STARD9: variants seen among roughly 807,000 people sequenced by gnomAD.
STARD9 encodes the protein StAR related lipid transfer domain containing 9, also known as stAR-related lipid transfer protein 9.
STARD9 carries 346 observed loss-of-function variants against 399.8 expected under a neutral mutation model. That is an observed-to-expected ratio of 0.87 (90% confidence interval 0.79 to 0.95). STARD9 has a LOEUF of 0.95. STARD9 is among the 40% of genes least tolerant of loss of function. STARD9 has a pLI of 0.00. For missense variants in STARD9, 5,832 were observed against 5,667.5 expected, an observed-to-expected ratio of 1.03 and a Z score of -0.93; for synonymous variants, 2,203 against 2,143.5, an observed-to-expected ratio of 1.03 and a Z score of -0.77.
intron 26 of STARD9, among the ~76,000 whole-genome samples, chr15:42,700,002 T>G (rs977120189): frequency 6.6e-6 from 1 of 152,194 alleles, no homozygotes; most frequent in African/African-American, 2.4e-5. Context: ...AGATCAACTT[T>G]TTTAGATTCC....
At chr15:42,662,923 G>C in intron 11 of STARD9, 32 bp downstream of exon 11, 1 of 1,417,764 alleles carries the variant, frequency 7.1e-7, no homozygotes, top group Non-Finnish European at 9.6e-7. Context: ...GAGTGGGAGG[G>C]AGAGTTCGGA....
intron 3 of STARD9, among the ~76,000 whole-genome samples, chr15:42,632,289 CT>C (rs148150965): frequency 0.03 from 4,522 of 152,108 alleles, 216 homozygotes; most frequent in African/African-American, 0.093. Flanking sequence ...CATGGGTTAT[CT>C]TTTTCTCTCC....
At chr15:42,674,248 T>C (rs2060262914) in intron 16 of STARD9, among the ~76,000 whole-genome samples, 192 bp from the exon 17 acceptor site, 1 of 152,072 alleles carries the variant, frequency 6.6e-6, no homozygotes, top group Non-Finnish European at 1.5e-5. Flanking sequence ...TCCTGGGCTG[T>C]AGAGTGAGTG....
rs185745402 is a variant in STARD9 at position 42,626,654 on chromosome 15, C to T, written c.235-8202C>T. ...TAGCTGGGATTACAGGCATGCGCCA[C>T]CACGCTCAGCTAATTTTGTATTTTT... is the stretch of plus-strand genomic sequence containing the variant. On this transcript the variant is annotated intron_variant, in intron 3 of 32. Coordinates refer to ENST00000290607, the MANE Select transcript of STARD9 (RefSeq NM_020759.3). Among the ~76,000 whole-genome samples, 131 of 151,962 alleles carry T rather than the reference C, an allele frequency of 8.6e-4. 1 individual carries two copies. Among genetic ancestry groups the T allele is most frequent in the Admixed American group, 8.1e-3 (123 of 15,244 alleles).
chr15:42,689,073 G>C lies in STARD9; in HGVS notation c.7495G>C (p.Asp2499His). 6.5e-7 allele frequency: 1 copy of C among 1,537,290 alleles called. No individual in the cohort carries two copies. Among genetic ancestry groups the C allele is most frequent in the Non-Finnish European group, 8.7e-7 (1 of 1,146,930 alleles). The change falls in exon 23 of 33, where the codon GAC (aspartate) becomes CAC (histidine). Residue 2499 changes from aspartate to histidine, a missense_variant. Asp to His is a moderately conservative substitution (Grantham distance 81). Coordinates refer to ENST00000290607, the MANE Select transcript of STARD9 (RefSeq NM_020759.3). ...CAGCTTCTCCTTGGAAGAGGATAGT[G>C]ACCAAGCCAGCAAGCCAAGGCAGAA... Reference protein sequence around the residue: ...RVSFSLEEDSDQASKPRQKAE... With the variant: ...RVSFSLEEDSHQASKPRQKAE...
At chr15:42,601,601 C>T (rs1453324442) in intron 3 of STARD9, among the ~76,000 whole-genome samples, 12 of 150,720 alleles carry the variant, frequency 8.0e-5, no homozygotes, top group Admixed American at 2.0e-4. Flanking sequence ...CCGGACGGGG[C>T]GGCTGGCCGG....
At chr15:42,664,942 G>C (rs1228721063) in intron 13 of STARD9, among the ~76,000 whole-genome samples, 2 of 152,036 alleles carry the variant, frequency 1.3e-5, no homozygotes, top group Non-Finnish European at 2.9e-5. Context: ...TTACCTGCTT[G>C]ACCTCTAGGG....
intron 3 of STARD9, among the ~76,000 whole-genome samples, chr15:42,612,813 G>A (rs1366260821): frequency 2.0e-5 from 3 of 152,102 alleles, no homozygotes; most frequent in East Asian, 1.9e-4. Context: ...GTGAAACCCC[G>A]TCTCTGCTAA....
chr15:42,598,674 A>T (rs1325547976), intron 3 of STARD9, among the ~76,000 whole-genome samples: 1 of 152,120 alleles, frequency 6.6e-6, no homozygotes, highest in African/African-American at 2.4e-5. Context: ...GGTAGTTAGG[A>T]TAGCCATCGC....
At chr15:42,585,900 A>G (rs934417328) in intron 3 of STARD9, among the ~76,000 whole-genome samples, 1 of 152,248 alleles carries the variant, frequency 6.6e-6, no homozygotes, top group African/African-American at 2.4e-5. Context: ...AAATGCGGTA[A>G]TATCGTGTAT....
intron 3 of STARD9, among the ~76,000 whole-genome samples, chr15:42,598,493 A>G (rs1229476193): frequency 6.6e-6 from 1 of 151,812 alleles, no homozygotes; most frequent in Admixed American, 6.6e-5. Context: ...TACATATTTA[A>G]TCTATTTGAA....
intron 28 of STARD9, 74 bp from the exon 29 acceptor site, chr15:42,717,657 A>G: frequency 1.5e-6 from 2 of 1,303,282 alleles, no homozygotes; most frequent in Non-Finnish European, 2.1e-6. Context: ...TAGCAGATGC[A>G]GGCCAGACTG....
chr15:42,682,586 T>C lies in STARD9; in HGVS notation c.2537+11T>C. 6.6e-7 allele frequency: 1 copy of C among 1,513,692 alleles called. No individual in the cohort carries two copies. The highest frequency in any genetic ancestry group is 8.8e-7 in the Non-Finnish European group (1 of 1,133,430). 93.8% of individuals were successfully genotyped at this position (1,513,692 alleles called of 1,614,324 possible). ...GCCCCAGCTACACAGGTACAGCCAG[T>C]AGTTGTCACTGGGAAGCACTCGGTT... On this transcript the variant is annotated intron_variant, in intron 22 of 32. Coordinates refer to ENST00000290607, the MANE Select transcript of STARD9 (RefSeq NM_020759.3).
chr15:42,579,122 C>T (rs574410396), intron 1 of STARD9, among the ~76,000 whole-genome samples: 1 of 152,188 alleles, frequency 6.6e-6, no homozygotes, highest in African/African-American at 2.4e-5. Context: ...ATTATTATGC[C>T]CATCAGTAGT....
chr15:42,648,986 C>T (rs1037640369), intron 7 of STARD9, among the ~76,000 whole-genome samples: 1 of 152,102 alleles, frequency 6.6e-6, no homozygotes, highest in Non-Finnish European at 1.5e-5. Flanking sequence ...ATCCTCCTGC[C>T]TCAGCCTCCC....
chr15:42,665,333 A>G lies in STARD9; in HGVS notation c.1254+3A>G. 1 of 1,536,056 alleles carries G rather than the reference A, an allele frequency of 6.5e-7. No individual in the cohort carries two copies. ...CCCTGCTGCTGAGCTTTGAACTGGT[A>G]TGCAGACAGTCAGAACCTTTCCGTA... On this transcript the variant is annotated splice_donor_region_variant and intron_variant, in intron 14 of 32. Coordinates refer to ENST00000290607, the MANE Select transcript of STARD9 (RefSeq NM_020759.3).
intron 1 of STARD9, among the ~76,000 whole-genome samples, chr15:42,577,252 C>T (rs1382625426): frequency 6.6e-6 from 1 of 152,086 alleles, no homozygotes; most frequent in East Asian, 1.9e-4. Flanking sequence ...CTCCCGGGTT[C>T]ACGCCATTCT....
At chr15:42,594,117 T>C (rs2058459023) in intron 3 of STARD9, among the ~76,000 whole-genome samples, 1 of 152,078 alleles carries the variant, frequency 6.6e-6, no homozygotes, top group Non-Finnish European at 1.5e-5. Flanking sequence ...AAAGAGAGTG[T>C]GCTATAGATT....
intron 3 of STARD9, among the ~76,000 whole-genome samples, chr15:42,620,159 C>G (rs1378344973): frequency 6.6e-6 from 1 of 152,056 alleles, no homozygotes; most frequent in East Asian, 1.9e-4. Flanking sequence ...TCACAGTTGA[C>G]CTAAAAGGAA....
Sources: allele counts gnomAD v4.1 joint callset (sites outside exome capture counted in the v4.1 genomes callset), GRCh38; gene constraint gnomAD v4.1.1; transcripts MANE v1.5; gene names NCBI Gene and HGNC (gene_info 2026-07-23, HGNC 2026-07-21).